The following IL1RAPL2 variants were observed in gnomAD, a reference collection of about 807,000 sequenced individuals.
IL1RAPL2 encodes the protein interleukin 1 receptor accessory protein like 2.
A neutral mutation model predicts 44.1 loss-of-function variants in IL1RAPL2; 3 were observed. That is an observed-to-expected ratio of 0.07 (90% confidence interval 0.03 to 0.18). The LOEUF (loss-of-function observed/expected upper bound fraction) is 0.18. Among genes scored for constraint, IL1RAPL2 ranks in the 10% least tolerant of loss-of-function variants. The pLI is 1.00. For missense variants in IL1RAPL2, 391 were observed against 496.4 expected (o/e 0.79, Z 2.02); for synonymous variants, 181 against 178.8 (o/e 1.01, Z -0.10).
intron 5 of IL1RAPL2, among the ~76,000 whole-genome samples, chrX:105,402,284 T>G (rs1425192436): frequency 9.0e-6 from 1 of 111,386 alleles, no homozygotes; most frequent in Non-Finnish European, 1.9e-5. Context: ...TTTCAAAATA[T>G]TAATGATTAC....
chrX:105,220,232 C>T, intron 3 of IL1RAPL2: 2 of 1,211,813 alleles, frequency 1.7e-6, no homozygotes, highest in Non-Finnish European at 2.2e-6. Flanking sequence ...ACCTCGCTGT[C>T]CTCCAGTATG....
At chrX:104,723,617 T>C (rs1931728930) in intron 2 of IL1RAPL2, among the ~76,000 whole-genome samples, 1 of 110,199 alleles carries the variant, frequency 9.1e-6, no homozygotes, top group South Asian at 3.9e-4. Context: ...AATAAAAGGG[T>C]GAACAACAAC....
chrX:105,034,684 G>C (rs1175513480), intron 2 of IL1RAPL2, among the ~76,000 whole-genome samples: 3 of 112,237 alleles, frequency 2.7e-5, no homozygotes, highest in Non-Finnish European at 3.8e-5. Flanking sequence ...GCTACTCTGG[G>C]GTCAGGGACC....
intron 5 of IL1RAPL2, among the ~76,000 whole-genome samples, chrX:105,292,137 G>A (rs187921601): frequency 3.9e-4 from 44 of 111,753 alleles, no homozygotes; most frequent in African/African-American, 1.4e-3. Context: ...ATCATAAAAT[G>A]TATCAACATT....
rs530411552 is a variant in IL1RAPL2 at position 105,625,568 on chromosome X, C to T, written c.773-91799C>T. Among the ~76,000 whole-genome samples, 92 of 112,000 alleles carry T rather than the reference C, an allele frequency of 8.2e-4. 1 individual carries two copies. In the South Asian group the frequency reaches 0.033, roughly 40 times the overall value. ...TGCATTTTATCTTCTAACTGCTGAA[C>T]TCATTCTTATTTGGAGCTTATTTTT... On this transcript the variant is annotated intron_variant, in intron 6 of 10. Transcript: ENST00000372582.
intron 1 of IL1RAPL2, among the ~76,000 whole-genome samples, chrX:104,624,859 T>C (rs1272228338): frequency 6.3e-5 from 7 of 111,452 alleles, no homozygotes; most frequent in Non-Finnish European, 1.3e-4. Flanking sequence ...ATGAGGTAGA[T>C]CTACTTACAC....
rs1160669833 is a variant in IL1RAPL2 at position 105,085,825 on chromosome X, A to AT, written c.83-109644dup. ...CTGATAACATAGTTGTTAAACACATATTTTTTATGTTATATGTGTTATTTA... is the reference window on the plus strand; with the variant it reads ...CTGATAACATAGTTGTTAAACACATATTTTTTTATGTTATATGTGTTATTTA... On this transcript the variant is annotated intron_variant, in intron 2 of 10. Transcript: ENST00000372582. Among the ~76,000 whole-genome samples the AT allele has an allele frequency of 8.9e-4, 100 of 112,021 alleles. 1 individual carries two copies. Among genetic ancestry groups the AT allele is most frequent in the African/African-American group, 3.1e-3 (96 of 30,920 alleles).
chrX:105,365,952 T>C (rs928183075), intron 5 of IL1RAPL2, among the ~76,000 whole-genome samples: 7 of 100,920 alleles, frequency 6.9e-5, no homozygotes, highest in Non-Finnish European at 1.2e-4. Context: ...AATTTCTTTC[T>C]TTTTTTTTTT....
At chrX:104,713,059 A>G (rs1490971073) in intron 2 of IL1RAPL2, among the ~76,000 whole-genome samples, 5 of 110,908 alleles carry the variant, frequency 4.5e-5, no homozygotes, top group African/African-American at 1.6e-4. Context: ...TTAGGAGACA[A>G]ATGTCCTACT....
chrX:104,948,706 A>G (rs1325556862), intron 2 of IL1RAPL2, among the ~76,000 whole-genome samples: 1 of 110,781 alleles, frequency 9.0e-6, no homozygotes, highest in Non-Finnish European at 1.9e-5. Context: ...TTCTGTTTAT[A>G]TGCTGGATTA....
chrX:105,180,476 A>G (rs1556130227), intron 2 of IL1RAPL2, among the ~76,000 whole-genome samples: 1 of 112,205 alleles, frequency 8.9e-6, no homozygotes, highest in African/African-American at 3.2e-5. Flanking sequence ...TTTGTCATAT[A>G]TGGCCTTTAC....
At chrX:104,887,756 C>T (rs746777185) in intron 2 of IL1RAPL2, among the ~76,000 whole-genome samples, 6 of 111,364 alleles carry the variant, frequency 5.4e-5, no homozygotes, top group South Asian at 3.8e-4. Flanking sequence ...ATGATTTCTT[C>T]AAAGTCCCCT....
At chrX:105,684,370 G>A (rs2037951283) in intron 6 of IL1RAPL2, among the ~76,000 whole-genome samples, 2 of 113,056 alleles carry the variant, frequency 1.8e-5, no homozygotes, top group Non-Finnish European at 3.7e-5. Flanking sequence ...TGGCAGACAA[G>A]GAGATTCTCT....
At chrX:104,696,321 T>C (rs1409128574) in intron 2 of IL1RAPL2, among the ~76,000 whole-genome samples, 2 of 112,085 alleles carry the variant, frequency 1.8e-5, no homozygotes, top group Non-Finnish European at 3.8e-5. Flanking sequence ...AACCCAGGTG[T>C]TCTGTGTGTA....
chrX:105,428,883 C>T (rs1457558089), intron 5 of IL1RAPL2, among the ~76,000 whole-genome samples: 2 of 111,141 alleles, frequency 1.8e-5, no homozygotes, highest in Non-Finnish European at 3.8e-5. Context: ...ATTTGGTAGG[C>T]TATGCTTGTA....
At chrX:104,907,800 C>G (rs1463386478) in intron 2 of IL1RAPL2, among the ~76,000 whole-genome samples, 1 of 110,710 alleles carries the variant, frequency 9.0e-6, no homozygotes, top group Non-Finnish European at 1.9e-5. Context: ...GTGGAGAGTT[C>G]TGTAGATTTC....
intron 2 of IL1RAPL2, among the ~76,000 whole-genome samples, chrX:105,179,633 TTATC>T (rs2033509084): frequency 8.9e-6 from 1 of 111,923 alleles, no homozygotes; most frequent in Non-Finnish European, 1.9e-5. Flanking sequence ...CATAGGATGT[TTATC>T]TATTTGTTTC....
At position 105,755,157 on chromosome X, in the gene IL1RAPL2, T is replaced by C. The variant is rs760958277; in HGVS notation, c.1193-20T>C. 63 of 1,126,483 alleles carry C rather than the reference T, an allele frequency of 5.6e-5. No homozygotes were observed. The South Asian group carries it at 1.2e-3, about 22-fold the overall frequency. 92.8% of individuals were successfully genotyped at this position (1,126,483 alleles called of 1,213,427 possible). A position where few individuals can be genotyped will look rare whatever the true frequency, so the allele number is the denominator to read the frequency against. ...AACCTGTTAATAGTTACAACCCTTT[T>C]GTTGTTCTTTATGTTTAAGACAACA... On this transcript the variant is annotated intron_variant, in intron 9 of 10. Coordinates refer to ENST00000372582, the MANE Select transcript of IL1RAPL2 (RefSeq NM_017416.2).
At chrX:105,040,993 C>T (rs1220539973) in intron 2 of IL1RAPL2, among the ~76,000 whole-genome samples, 1 of 100,286 alleles carries the variant, frequency 1.0e-5, no homozygotes, top group East Asian at 3.1e-4. Flanking sequence ...TTGGATCTTT[C>T]CTGCTTTCTC....
Sources: allele counts gnomAD v4.1 joint callset (sites outside exome capture counted in the v4.1 genomes callset), GRCh38; gene constraint gnomAD v4.1.1; transcripts MANE v1.5; gene names NCBI Gene and HGNC (gene_info 2026-07-23, HGNC 2026-07-21).